The following GIGYF2 variants were observed in gnomAD, a reference collection of about 807,000 sequenced individuals.
GIGYF2 encodes GRB10-interacting GYF protein 2.
Under a neutral mutation model 208.1 loss-of-function variants are expected in GIGYF2, and 25 were observed. The ratio of observed to expected loss-of-function variants is 0.12; its 90% confidence interval spans 0.09 to 0.17. The LOEUF is 0.17. GIGYF2 is among the 10% of genes least tolerant of loss of function. GIGYF2 has a pLI of 1.00. For synonymous variants in GIGYF2, 534 were observed against 543.8 expected (o/e 0.98, Z 0.25); for missense variants, 1,302 against 1,579.4 (o/e 0.82, Z 2.98).
At chr2:232,766,114 A>G (rs1698952693) in intron 8 of GIGYF2, 1 of 393,308 alleles carries the variant, frequency 2.5e-6, no homozygotes, top group Non-Finnish European at 5.3e-6. Context: ...CTTAACCTAG[A>G]AACTGTGATT....
In GIGYF2 at chr2:232,847,517, ACAGCAGCAGCAGCAGCAGCCG is replaced by A. The variant is rs776627013; in HGVS notation, c.3632_3652del (p.Gln1211_Pro1217del). ...AGCAGCGTCAGCAGCAGCAGCTGCC[ACAGCAGCAGCAGCAGCAGCCG>A]CCACAGCAGCCGCCACAGCAGCCAC... On this transcript the variant is annotated inframe_deletion, in exon 27 of 29. Transcript: ENST00000373563. The A allele has an allele frequency of 1.0e-4, 43 of 415,942 alleles. 1 individual carries two copies. Among genetic ancestry groups the A allele is most frequent in the East Asian group, 8.5e-4 (20 of 23,600 alleles). 25.8% of individuals were successfully genotyped at this position (415,942 alleles called of 1,614,324 possible). A position where few individuals can be genotyped will look rare whatever the true frequency, so the allele number is the denominator to read the frequency against.
chr2:232,806,684 T>TACATATTAGTCA lies in GIGYF2; in HGVS notation c.1806+28_1806+39dup. On this transcript the variant is annotated intron_variant, in intron 15 of 28. Coordinates refer to ENST00000373563, the MANE Select transcript of GIGYF2 (RefSeq NM_001103146.3). This position sits in a 1 kb window ranked among gnomAD's most constrained non-coding sequence, Gnocchi z 4.0. ...TAAGTACCTTTCACCTCACCTGGAA[T>TACATATTAGTCA]ACATATTAGTCACGGAAACACTTGA... 6.7e-7 allele frequency: 1 copy of TACATATTAGTCA among 1,500,436 alleles called. No individual in the cohort carries two copies. The highest frequency in any genetic ancestry group is 1.4e-5 in the African/African-American group (1 of 72,762). The allele number at this position is 1,500,436 out of a possible 1,614,324, so 92.9% of individuals were successfully genotyped here.
rs138253996 is a variant in GIGYF2, at chr2:232,845,834, G to C, written c.3408G>C (p.Thr1136=). ...TAAATAAAGCCCAAGATGGATTTAC[G>C]CAGTGGTGTGAACAGATGCTTCATG... ...QGVNKAQDGF[T]QWCEQMLHAL... Residue 1136 remains threonine, a synonymous_variant, in exon 26 of 29, where the codon ACG becomes ACC. Transcript: ENST00000373563. 3 of 1,613,446 alleles carry C rather than the reference G, an allele frequency of 1.9e-6. No individual in the cohort carries two copies. In the Admixed American group the frequency reaches 5.0e-5, roughly 27 times the overall value.
intron 22 of GIGYF2, among the ~76,000 whole-genome samples, chr2:232,836,762 C>T (rs1342494148): frequency 6.6e-6 from 1 of 152,048 alleles, no homozygotes; most frequent in African/African-American, 2.4e-5. Flanking sequence ...CCTGTATCTC[C>T]TATGAATCTA....
chr2:232,730,016 A>G lies in GIGYF2; in HGVS notation c.-43-5139A>G, dbSNP rs968030582. The G allele has an allele frequency of 5.1e-6, 4 of 784,666 alleles. No individual in the cohort carries two copies. In the African/African-American group the frequency reaches 5.1e-5, roughly 10 times the overall value. The allele number at this position is 784,666 out of a possible 1,614,324, so 48.6% of individuals were successfully genotyped here. A position where few individuals can be genotyped will look rare whatever the true frequency, so the allele number is the denominator to read the frequency against. The stretch of plus-strand genomic sequence containing the variant: ...GAAGGCTGGCCTTTTCTTTTTCGTA[A>G]GACTTGATGTGATTATACCAACGAA... On this transcript the variant is annotated intron_variant, in intron 2 of 28. Transcript: ENST00000373563.
chr2:232,748,998 C>A lies in GIGYF2; in HGVS notation c.183C>A (p.Asp61Glu). ...LFLKDNKIPS[D>E]LLDKEFLPIL... ...GTTTGGTCCTACAGATACCTTCAGA[C>A]CTTCTGGATAAAGAATTTCTGCCTA... The change falls in exon 5 of 29, where the codon GAC becomes GAA. Residue 61 changes from aspartate to glutamate, a missense_variant. By Grantham distance (45) the Asp-to-Glu change is conservative (BLOSUM62 2). Transcript: ENST00000373563. 6.4e-7 allele frequency: 1 copy of A among 1,561,382 alleles called. No homozygotes were observed. Among genetic ancestry groups the A allele is most frequent in the Non-Finnish European group, 8.8e-7 (1 of 1,131,906 alleles).
chr2:232,811,260 G>A lies in GIGYF2; in HGVS notation c.1915G>A (p.Val639Ile), dbSNP rs973512981. The change falls in exon 17 of 29, where the codon GTT (valine) becomes ATT (isoleucine). Residue 639 changes from valine to isoleucine, a missense_variant. Around this residue, in one of 8 missense-constraint regions of GIGYF2, gnomAD observed 701 missense variants for 793.0 expected, o/e 0.88. Transcript: ENST00000373563. ...QFLIQQQYAQ[V>I]LAQQQKAALS... Reference sequence around the variant, plus strand: ...TTTTTGAAGACAACAATATGCACAGGTTTTGGCCCAACAGCAGAAAGCAGC... The same window carrying A: ...TTTTTGAAGACAACAATATGCACAGATTTTGGCCCAACAGCAGAAAGCAGC... The A allele has an allele frequency of 7.5e-6, 12 of 1,604,908 alleles. No homozygotes were observed. Among genetic ancestry groups the A allele is most frequent in the African/African-American group, 1.3e-5 (1 of 74,678 alleles).
chr2:232,806,573 T>C lies in GIGYF2; in HGVS notation c.1722T>C (p.Asp574=). Residue 574 remains aspartate, a synonymous_variant, in exon 15 of 29, where the codon GAT becomes GAC. Transcript: ENST00000373563. The surrounding 1 kb of genome is among the most constrained non-coding windows in gnomAD (Gnocchi z 4.0). The stretch of plus-strand genomic sequence containing the variant: ...CTTTATTGGTGAAGAGAGCGTGTGA[T>C]GAAAGCTTCCAACCTCTTGGCGATA... ...TMSLLVKRAC[D]ESFQPLGDIM... 2 of 1,612,094 alleles carry C rather than the reference T, an allele frequency of 1.2e-6. No homozygotes were observed. The highest frequency in any genetic ancestry group is 1.7e-6 in the Non-Finnish European group (2 of 1,178,146).
chr2:232,727,947 A>T (rs1697283035), intron 2 of GIGYF2, among the ~76,000 whole-genome samples: 1 of 152,144 alleles, frequency 6.6e-6, no homozygotes, highest in African/African-American at 2.4e-5. Context: ...AAGCTTTATA[A>T]TACACATTTG....
chr2:232,811,547 A>G (rs1700735432), intron 17 of GIGYF2, among the ~76,000 whole-genome samples, 196 bp downstream of exon 17: 1 of 152,208 alleles, frequency 6.6e-6, no homozygotes, highest in Non-Finnish European at 1.5e-5. Context: ...TCTTTTACTC[A>G]TAGATATAAA....
chr2:232,812,331 C>CTTTT, intron 17 of GIGYF2, 60 bp from the exon 18 acceptor site: 1 of 701,024 alleles, frequency 1.4e-6, no homozygotes, highest in Non-Finnish European at 2.6e-6. Context: ...TCCTCTTCAT[C>CTTTT]TTTTTTTTTT....
At chr2:232,769,128 A>T (rs1370301404) in intron 8 of GIGYF2, among the ~76,000 whole-genome samples, 3 of 151,826 alleles carry the variant, frequency 2.0e-5, no homozygotes, top group African/African-American at 7.3e-5. Context: ...GCCTGTGCTT[A>T]AAAAAAAGTA....
At chr2:232,742,056 A>T (rs868849624) in intron 3 of GIGYF2, among the ~76,000 whole-genome samples, 1 of 152,156 alleles carries the variant, frequency 6.6e-6, no homozygotes, top group South Asian at 2.1e-4. Flanking sequence ...CCTGTTGGTG[A>T]AAAAGATTAG....
intron 19 of GIGYF2, 25 bp downstream of exon 19, chr2:232,815,762 A>G: frequency 8.8e-7 from 1 of 1,141,532 alleles, no homozygotes; most frequent in Non-Finnish European, 1.3e-6. Flanking sequence ...CTTCTGCAAC[A>G]GTGCATTGTC....
chr2:232,783,287 A>G (rs1699780298), intron 8 of GIGYF2, among the ~76,000 whole-genome samples: 1 of 152,368 alleles, frequency 6.6e-6, no homozygotes, highest in East Asian at 1.9e-4. Context: ...GCAACACCAA[A>G]GAAAGAATGA....
At chr2:232,764,592 C>T (rs539111983) in intron 8 of GIGYF2, 19 of 152,204 alleles carry the variant, frequency 1.2e-4, no homozygotes, top group Non-Finnish European at 2.5e-4. Context: ...TACCTGCCTA[C>T]TAATCATGAT....
intron 5 of GIGYF2, among the ~76,000 whole-genome samples, chr2:232,755,445 GGCATGAACCACCAC>G (rs1698498626): frequency 6.6e-6 from 1 of 152,180 alleles, no homozygotes; most frequent in South Asian, 2.1e-4. Flanking sequence ...TGGGATTACA[GGCATGAACCACCAC>G]GCCTGGCCTT....
At chr2:232,795,048 G>T in intron 13 of GIGYF2, 104 bp downstream of exon 13, 1 of 859,862 alleles carries the variant, frequency 1.2e-6, no homozygotes, top group Non-Finnish European at 2.0e-6. Context: ...TAGATTTTAA[G>T]TACTGGAAAA....
In GIGYF2 at chr2:232,847,529, G is replaced by GCAGCAGCAGCCGCCA; in HGVS notation, c.3649_3650insAGCCGCCACAGCAGC (p.Gln1216_Pro1217insGlnProProGlnGln). On this transcript the variant is annotated inframe_insertion, in exon 27 of 29. Transcript: ENST00000373563. ...AGCAGCAGCTGCCACAGCAGCAGCA[G>GCAGCAGCAGCCGCCA]CAGCAGCCGCCACAGCAGCCGCCAC... 1.2e-6 allele frequency: 2 copies of GCAGCAGCAGCCGCCA among 1,607,118 alleles called. No individual in the cohort carries two copies. The highest frequency in any genetic ancestry group is 1.7e-6 in the Non-Finnish European group (2 of 1,177,266).
Sources: allele counts gnomAD v4.1 joint callset (sites outside exome capture counted in the v4.1 genomes callset), GRCh38; gene constraint gnomAD v4.1.1; regional missense constraint gnomAD v4.1.1; non-coding constraint Gnocchi (gnomAD v3.1); transcripts MANE v1.5; gene names NCBI Gene and HGNC (gene_info 2026-07-23, HGNC 2026-07-21).